Variants in TRPC4AP observed in about 807,000 individuals in gnomAD.
TRPC4AP encodes short transient receptor potential channel 4-associated protein.
A neutral mutation model predicts 99.0 loss-of-function variants in TRPC4AP; 45 were observed. That is an observed-to-expected ratio of 0.45 (90% CI 0.36 to 0.58). The LOEUF (loss-of-function observed/expected upper bound fraction) is 0.58. Ranked by LOEUF, TRPC4AP falls within the 20% of genes least tolerant of loss-of-function variation. The pLI is 0.00. For missense variants in TRPC4AP, 879 were observed against 985.3 expected (o/e 0.89, Z 1.44); for synonymous variants, 408 against 385.8 (o/e 1.06, Z -0.67).
chr20:35,028,594 T>C (rs1178754902), intron 8 of TRPC4AP, among the ~76,000 whole-genome samples: 2 of 152,222 alleles, frequency 1.3e-5, no homozygotes, highest in African/African-American at 2.4e-5. Context: ...GCCTAGCATA[T>C]GGTCTGTCCT....
At chr20:35,041,545 A>C (rs2083446649) in intron 7 of TRPC4AP, among the ~76,000 whole-genome samples, 1 of 151,506 alleles carries the variant, frequency 6.6e-6, no homozygotes, top group Admixed American at 6.6e-5. Flanking sequence ...TTAAGAAAAA[A>C]CTCCCAAATA....
At chr20:35,018,797 G>A (rs1036555815) in intron 9 of TRPC4AP, among the ~76,000 whole-genome samples, 1 of 152,084 alleles carries the variant, frequency 6.6e-6, no homozygotes, top group Non-Finnish European at 1.5e-5. Context: ...AGCGGGTACA[G>A]GCTCAGGCAT....
chr20:35,017,629 T>C (rs1459002175), intron 9 of TRPC4AP, among the ~76,000 whole-genome samples: 2 of 152,150 alleles, frequency 1.3e-5, no homozygotes, highest in African/African-American at 4.8e-5. Flanking sequence ...AGGTCAGTGA[T>C]TGCAACGGCA....
chr20:35,044,804 T>G (rs1410871169), intron 6 of TRPC4AP, 92 bp from the exon 7 acceptor site: 2 of 1,210,776 alleles, frequency 1.7e-6, no homozygotes, highest in African/African-American at 1.5e-5. Context: ...ATACGGGGCT[T>G]AGTGGCTAGA....
rs746988790 is a variant in TRPC4AP, at chr20:35,078,139, T to C, written c.204A>G (p.Gln68=). The change falls in exon 2 of 19, where the codon CAA becomes CAG. Residue 68 remains glutamine, a synonymous_variant. Coordinates refer to ENST00000252015, the MANE Select transcript of TRPC4AP (RefSeq NM_015638.3). ...TETFLTERDK[Q]SKWSGIPQLL... is the part of the protein sequence containing the mutation. ...GCTGAGGAATTCCACTCCACTTGGA[T>C]TGTTTGTCCCTCTCCGTCAAAAAAG... The C allele has an allele frequency of 7.4e-6, 12 of 1,613,906 alleles. No individual in the cohort carries two copies. Among genetic ancestry groups the C allele is most frequent in the Admixed American group, 5.0e-5 (3 of 59,980 alleles).
chr20:35,029,628 C>CT (rs35372826), intron 8 of TRPC4AP, among the ~76,000 whole-genome samples: 5,494 of 39,402 alleles, frequency 0.14, 1,347 homozygotes, highest in South Asian at 0.15. Flanking sequence ...AAGTTACTTT[C>CT]TTTTTTTTTT....
At chr20:35,036,663 C>G (rs6060170) in intron 7 of TRPC4AP, among the ~76,000 whole-genome samples, 89,211 of 151,928 alleles carry the variant, frequency 0.59, 27,165 homozygotes, top group Middle Eastern at 0.74. Context: ...GTAAGACAAG[C>G]TGGCCAGGCA....
chr20:35,026,677 TAAC>T (rs929312843), intron 8 of TRPC4AP, among the ~76,000 whole-genome samples: 5 of 152,240 alleles, frequency 3.3e-5, no homozygotes, highest in African/African-American at 4.8e-5. Context: ...ATCATTATCT[TAAC>T]AATATTAATT....
chr20:35,012,711 G>C (rs1450991648), intron 11 of TRPC4AP, among the ~76,000 whole-genome samples: 1 of 152,224 alleles, frequency 6.6e-6, no homozygotes, highest in Non-Finnish European at 1.5e-5. Flanking sequence ...CTTTAGAGGG[G>C]CAGTAGGTTG....
intron 3 of TRPC4AP, among the ~76,000 whole-genome samples, chr20:35,066,869 A>T (rs6142290): frequency 1.3e-5 from 2 of 151,962 alleles, no homozygotes; most frequent in Non-Finnish European, 2.9e-5. Context: ...AATAAGAAAA[A>T]GGACAAATAA....
At position 35,021,203 on chromosome 20, in the gene TRPC4AP, C is replaced by T. The variant is rs765225621; in HGVS notation, c.1205G>A (p.Arg402His). Reference protein sequence around the residue: ...LYVLCVLLMGRQRNQVHRMIA... With the variant: ...LYVLCVLLMGHQRNQVHRMIA... ...AGAGGGGCCCACCTGGTTTCGCTGA[C>T]GCCCCATCAGCAGCACGCAGAGGAC... The change falls in exon 9 of 19, where the codon CGT (arginine) becomes CAT (histidine). Residue 402 changes from arginine (R) to histidine (H), a missense_variant. Around this residue, in one of 3 missense-constraint regions of TRPC4AP, gnomAD observed 603 missense variants for 631.8 expected, o/e 0.95. Coordinates refer to ENST00000252015, the MANE Select transcript of TRPC4AP (RefSeq NM_015638.3). 1.4e-5 allele frequency: 23 copies of T among 1,612,382 alleles called. No homozygotes were observed. Among genetic ancestry groups the T allele is most frequent in the South Asian group, 2.2e-5 (2 of 91,044 alleles).
intron 3 of TRPC4AP, among the ~76,000 whole-genome samples, chr20:35,063,615 TGAA>T (rs1445024562): frequency 2.0e-5 from 3 of 151,098 alleles, no homozygotes; most frequent in African/African-American, 5.0e-5. Context: ...TCCCAGCTAC[TGAA>T]GAAGGTGAGG....
chr20:35,026,927 T>A (rs532841947), intron 8 of TRPC4AP, among the ~76,000 whole-genome samples: 42 of 152,342 alleles, frequency 2.8e-4, no homozygotes, highest in Non-Finnish European at 5.9e-4. Context: ...TTGAACCTAT[T>A]TATTAGTTTA....
At chr20:35,043,527 G>GC (rs2083489313) in intron 7 of TRPC4AP, among the ~76,000 whole-genome samples, 1 of 152,098 alleles carries the variant, frequency 6.6e-6, no homozygotes, top group Non-Finnish European at 1.5e-5. Context: ...GATTACAGGC[G>GC]TTAAGCCACC....
At chr20:35,008,620 T>A (rs760585085) in intron 13 of TRPC4AP, 44 bp downstream of exon 13, 2 of 1,572,042 alleles carry the variant, frequency 1.3e-6, no homozygotes, top group Non-Finnish European at 1.7e-6. Flanking sequence ...AACACCTGGC[T>A]CTGCAGCCCC....
chr20:35,078,380 A>G (rs2084541638), intron 1 of TRPC4AP, among the ~76,000 whole-genome samples: 1 of 152,234 alleles, frequency 6.6e-6, no homozygotes, highest in Non-Finnish European at 1.5e-5. Flanking sequence ...GGGATTGGAA[A>G]TACTCTTGTA....
At chr20:35,065,937 C>A (rs2084132740) in intron 3 of TRPC4AP, among the ~76,000 whole-genome samples, 1 of 152,020 alleles carries the variant, frequency 6.6e-6, no homozygotes, top group Admixed American at 6.6e-5. Flanking sequence ...GCCCTAGGAC[C>A]ACCGACACTG....
chr20:35,092,791 T>C lies in TRPC4AP; in HGVS notation c.-10A>G. 1.3e-6 allele frequency: 2 copies of C among 1,526,032 alleles called. No homozygotes were observed. The highest frequency in any genetic ancestry group is 1.7e-6 in the Non-Finnish European group (2 of 1,149,194). The allele number at this position is 1,526,032 out of a possible 1,614,324, so 94.5% of individuals were successfully genotyped here. The stretch of plus-strand genomic sequence containing the variant: ...CCGGCGCCGCCGCCATGTCTCCTCG[T>C]CGGACAAACAGGAAGCAAGCGGCCT... On this transcript the variant is annotated 5_prime_UTR_variant, in exon 1 of 19. Coordinates refer to ENST00000252015, the MANE Select transcript of TRPC4AP (RefSeq NM_015638.3).
chr20:35,024,311 C>T (rs2082965825), intron 8 of TRPC4AP, among the ~76,000 whole-genome samples: 1 of 152,126 alleles, frequency 6.6e-6, no homozygotes, highest in African/African-American at 2.4e-5. Flanking sequence ...CCAGTCACTT[C>T]CTATTTCCCA....
Sources: allele counts gnomAD v4.1 joint callset (sites outside exome capture counted in the v4.1 genomes callset), GRCh38; gene constraint gnomAD v4.1.1; regional missense constraint gnomAD v4.1.1; transcripts MANE v1.5; gene names NCBI Gene and HGNC (gene_info 2026-07-23, HGNC 2026-07-21).